Variants in KCNT2 observed in about 807,000 individuals in gnomAD.
KCNT2 encodes potassium channel subfamily T member 2.
In KCNT2, 67 loss-of-function variants were observed where a neutral mutation model predicts 153.8. The observed-to-expected ratio is 0.44, with a 90% confidence interval of 0.36 to 0.53. The LOEUF (loss-of-function observed/expected upper bound fraction) is 0.53, where lower values mean the gene tolerates loss of function less well. Ranked by LOEUF, KCNT2 falls within the 20% of genes least tolerant of loss-of-function variation. KCNT2 has a pLI of 0.00. For synonymous variants in KCNT2, 500 were observed against 458.8 expected (o/e 1.09, Z -1.15); for missense variants, 975 against 1,354.8 (o/e 0.72, Z 4.40).
At chr1:196,283,238 G>A (rs1321946850) in intron 23 of KCNT2, among the ~76,000 whole-genome samples, 2 of 152,214 alleles carry the variant, frequency 1.3e-5, no homozygotes, top group African/African-American at 2.4e-5. Flanking sequence ...CCAGGAGATC[G>A]AGACCAGCAT....
chr1:196,350,970 C>T (rs1320392676), intron 14 of KCNT2, among the ~76,000 whole-genome samples: 1 of 152,116 alleles, frequency 6.6e-6, no homozygotes, highest in Non-Finnish European at 1.5e-5. Context: ...AATCCTTTCC[C>T]CATTGCTTGT....
chr1:196,376,592 C>A (rs908797483), intron 13 of KCNT2, among the ~76,000 whole-genome samples: 1 of 151,850 alleles, frequency 6.6e-6, no homozygotes, highest in African/African-American at 2.4e-5. Context: ...TTCCTCTAGG[C>A]TAACAACTTT....
At chr1:196,233,516 C>T (rs1265179199) in intron 27 of KCNT2, among the ~76,000 whole-genome samples, 1 of 151,172 alleles carries the variant, frequency 6.6e-6, no homozygotes. Context: ...AAAAACATTC[C>T]CTATTTAGCC....
intron 3 of KCNT2, among the ~76,000 whole-genome samples, chr1:196,487,428 G>GTGTGTGTGTGTGTA (rs1053647015): frequency 2.6e-5 from 4 of 151,518 alleles, no homozygotes; most frequent in Non-Finnish European, 4.4e-5. Flanking sequence ...GTGTGTGTGT[G>GTGTGTGTGTGTGTA]TGTGTGTATG....
At chr1:196,456,590 C>G (rs1337011986) in intron 8 of KCNT2, among the ~76,000 whole-genome samples, 1 of 151,656 alleles carries the variant, frequency 6.6e-6, no homozygotes, top group Non-Finnish European at 1.5e-5. Flanking sequence ...TTATTTATGC[C>G]CCATTGGGTC....
At chr1:196,232,923 C>T (rs956742015) in intron 27 of KCNT2, among the ~76,000 whole-genome samples, 2 of 150,588 alleles carry the variant, frequency 1.3e-5, no homozygotes, top group Admixed American at 1.3e-4. Context: ...TTTTTAAATT[C>T]TATATAATTA....
Position 196,340,493 on chromosome 1 carries a change from A to G in KCNT2, c.1631T>C (p.Met544Thr). The G allele has an allele frequency of 6.2e-7, 1 of 1,612,170 alleles. No homozygotes were observed. The highest frequency in any genetic ancestry group is 8.5e-7 in the Non-Finnish European group (1 of 1,178,744). Residue 544 changes from methionine to threonine, a missense_variant, in exon 16 of 28, where the codon ATG becomes ACG. Met to Thr is a moderately conservative substitution (Grantham distance 81). Around this residue, in one of 6 missense-constraint regions of KCNT2, gnomAD observed 325 missense variants for 388.1 expected, o/e 0.84. Transcript: ENST00000294725. ...ILLNPGPRYIMNSTDICFYIN... is the reference protein window; with the variant it reads ...ILLNPGPRYITNSTDICFYIN... ...ATAAAAGCATATGTCTGTAGAATTCATAATGTATCGAGGACCTGGATTCAG... is the reference window on the plus strand; with the variant it reads ...ATAAAAGCATATGTCTGTAGAATTCGTAATGTATCGAGGACCTGGATTCAG...
chr1:196,285,831 G>A, intron 22 of KCNT2, 73 bp from the exon 23 acceptor site: 1 of 831,980 alleles, frequency 1.2e-6, no homozygotes, highest in Non-Finnish European at 2.1e-6. Context: ...AGTAAATTGT[G>A]TTGACATACG....
chr1:196,398,683 A>C lies in KCNT2; in HGVS notation c.1186-12T>G. 2 of 1,387,336 alleles carry C rather than the reference A, an allele frequency of 1.4e-6. No individual in the cohort carries two copies. Among genetic ancestry groups the C allele is most frequent in the Non-Finnish European group, 2.0e-6 (2 of 983,964 alleles). 85.9% of individuals were successfully genotyped at this position (1,387,336 alleles called of 1,614,324 possible). A position where few individuals can be genotyped will look rare whatever the true frequency, so the allele number is the denominator to read the frequency against. On this transcript the variant is annotated splice_polypyrimidine_tract_variant and intron_variant, in intron 12 of 27. Coordinates refer to ENST00000294725, the MANE Select transcript of KCNT2 (RefSeq NM_198503.5). ...ATTGTTTGGTGATCCTGAAGTGATCAAAATAAAAACATCATAGCATAAGTT... is the reference window on the plus strand; with the variant it reads ...ATTGTTTGGTGATCCTGAAGTGATCCAAATAAAAACATCATAGCATAAGTT...
chr1:196,301,843 G>A (rs758859099), intron 22 of KCNT2, among the ~76,000 whole-genome samples: 11 of 152,238 alleles, frequency 7.2e-5, no homozygotes, highest in Non-Finnish European at 1.2e-4. Context: ...GGATTCAAGC[G>A]ATTCTCATGC....
At chr1:196,600,024 C>T (rs1427669084) in intron 1 of KCNT2, among the ~76,000 whole-genome samples, 1 of 152,094 alleles carries the variant, frequency 6.6e-6, no homozygotes, top group East Asian at 1.9e-4. Flanking sequence ...CATGTATATG[C>T]AATGGTTCCT....
chr1:196,477,438 A>T (rs951237652), intron 5 of KCNT2, among the ~76,000 whole-genome samples: 1 of 152,026 alleles, frequency 6.6e-6, no homozygotes, highest in Non-Finnish European at 1.5e-5. Flanking sequence ...AATACAAAAA[A>T]AATTAGCCAG....
chr1:196,385,102 T>C (rs1258410852), intron 13 of KCNT2, among the ~76,000 whole-genome samples: 1 of 152,228 alleles, frequency 6.6e-6, no homozygotes, highest in Non-Finnish European at 1.5e-5. Context: ...CTTTATTTTA[T>C]GAGACAATTG....
intron 12 of KCNT2, among the ~76,000 whole-genome samples, chr1:196,406,538 C>A (rs1572340339): frequency 6.7e-6 from 1 of 150,254 alleles, no homozygotes; most frequent in East Asian, 2.0e-4. Context: ...ATTACTCACC[C>A]AAACCTATAG....
At chr1:196,318,484 G>C (rs1156318877) in intron 20 of KCNT2, among the ~76,000 whole-genome samples, 1 of 151,702 alleles carries the variant, frequency 6.6e-6, no homozygotes, top group Non-Finnish European at 1.5e-5. Context: ...ATCAGAAAAG[G>C]TATATGGGAC....
intron 25 of KCNT2, among the ~76,000 whole-genome samples, chr1:196,264,675 T>G (rs796085576): frequency 5.9e-5 from 9 of 152,204 alleles, no homozygotes; most frequent in African/African-American, 2.2e-4. Flanking sequence ...CTCTGTTGCC[T>G]AGGCTGGAGG....
At chr1:196,373,761 T>C (rs1668721566) in intron 13 of KCNT2, among the ~76,000 whole-genome samples, 1 of 151,902 alleles carries the variant, frequency 6.6e-6, no homozygotes, top group Non-Finnish European at 1.5e-5. Context: ...AGAAGAAATA[T>C]ATTTGATACT....
intron 19 of KCNT2, among the ~76,000 whole-genome samples, chr1:196,321,230 C>G (rs538383963): frequency 3.0e-4 from 45 of 151,808 alleles, no homozygotes; most frequent in African/African-American, 1.1e-3. Context: ...GATTCAAAAC[C>G]CTCCACATCT....
At chr1:196,371,220 C>CAAAAAAAA (rs952744388) in intron 14 of KCNT2, among the ~76,000 whole-genome samples, 6 of 21,942 alleles carry the variant, frequency 2.7e-4, no homozygotes, top group East Asian at 1.6e-3. Context: ...CCCGTCACTA[C>CAAAAAAAA]AAAAAAAAAA....
Sources: allele counts gnomAD v4.1 joint callset (sites outside exome capture counted in the v4.1 genomes callset), GRCh38; gene constraint gnomAD v4.1.1; regional missense constraint gnomAD v4.1.1; transcripts MANE v1.5; gene names NCBI Gene and HGNC (gene_info 2026-07-23, HGNC 2026-07-21).